Variants in MBNL1 observed in about 807,000 individuals in gnomAD.
MBNL1 encodes muscleblind like splicing regulator 1.
MBNL1 carries 8 observed loss-of-function variants against 42.2 expected under a neutral mutation model. The observed-to-expected ratio is 0.19, with a 90% CI of 0.11 to 0.34. The LOEUF is 0.34. MBNL1 is among the 10% of genes least tolerant of loss of function. The pLI is 1.00. For missense variants in MBNL1, 309 were observed against 495.3 expected (o/e 0.62, Z 3.57); for synonymous variants, 169 against 173.9 (o/e 0.97, Z 0.22).
intron 1 of MBNL1, among the ~76,000 whole-genome samples, chr3:152,295,561 C>T (rs1305852359): frequency 6.6e-6 from 1 of 151,900 alleles, no homozygotes; most frequent in African/African-American, 2.4e-5. Context: ...GTTCCAAGAA[C>T]TGTGTGATGG....
intron 2 of MBNL1, chr3:152,338,741 A>T (rs2092120277): frequency 2.1e-6 from 2 of 958,082 alleles, no homozygotes; most frequent in Non-Finnish European, 2.5e-6. Context: ...CTATGGATTT[A>T]ATATAAGTTA....
At chr3:152,288,088 T>C (rs922922224) in intron 1 of MBNL1, among the ~76,000 whole-genome samples, 9 of 152,202 alleles carry the variant, frequency 5.9e-5, no homozygotes, top group African/African-American at 2.2e-4. Context: ...TAAAATCACA[T>C]TGTCAAAATA....
intron 1 of MBNL1, among the ~76,000 whole-genome samples, chr3:152,270,039 C>T (rs1325210432): frequency 7.2e-5 from 11 of 151,782 alleles, no homozygotes; most frequent in Non-Finnish European, 1.5e-4. Context: ...GCCTTCCCCT[C>T]GCACAGCACT....
At chr3:152,293,225 A>AC (rs1360341572) in intron 1 of MBNL1, among the ~76,000 whole-genome samples, 3 of 152,170 alleles carry the variant, frequency 2.0e-5, no homozygotes, top group Non-Finnish European at 4.4e-5. Context: ...TAGTGTGCTT[A>AC]CCCCTCACTG....
intron 1 of MBNL1, among the ~76,000 whole-genome samples, chr3:152,277,320 T>C (rs529022503): frequency 1.3e-5 from 2 of 152,304 alleles, no homozygotes; most frequent in African/African-American, 4.8e-5. Context: ...TGTCTCAATG[T>C]CAACCAGGCA....
At chr3:152,458,311 G>A (rs140406260) in intron 8 of MBNL1, 89 of 799,360 alleles carry the variant, frequency 1.1e-4, no homozygotes, top group Non-Finnish European at 9.5e-5. Context: ...TAATATACAC[G>A]CCAGACTGTG....
intron 1 of MBNL1, among the ~76,000 whole-genome samples, chr3:152,291,688 G>T (rs2056090116): frequency 6.6e-6 from 1 of 152,168 alleles, no homozygotes; most frequent in Non-Finnish European, 1.5e-5. Flanking sequence ...CATTTTTGTG[G>T]CAAAGGCAAA....
At chr3:152,274,863 A>G (rs1261042227) in intron 1 of MBNL1, among the ~76,000 whole-genome samples, 1 of 152,186 alleles carries the variant, frequency 6.6e-6, no homozygotes, top group Admixed American at 6.5e-5. Context: ...TTGGTACTAC[A>G]GTTTACTAGT....
In MBNL1 at chr3:152,322,731, G is replaced by C. The variant is rs562019984; in HGVS notation, c.174+22364G>C. 1.1e-3 allele frequency among the ~76,000 whole-genome samples: 172 copies of C among 151,894 alleles called. No individual in the cohort carries two copies. The South Asian group carries it at 0.019, about 17-fold the overall frequency. On this transcript the variant is annotated intron_variant, in intron 2 of 9. Coordinates refer to ENST00000324210, the MANE Select transcript of MBNL1 (RefSeq NM_021038.5). ...GACTGAAAAAGTTAACATTTTTCTG[G>C]CATTTTTTAAGCGCTAAGAGTAGAA...
intron 2 of MBNL1, among the ~76,000 whole-genome samples, chr3:152,381,132 A>G (rs987366071): frequency 4.6e-5 from 7 of 152,084 alleles, no homozygotes; most frequent in Admixed American, 3.9e-4. Flanking sequence ...TTGTATATCT[A>G]CATTTCATTT....
chr3:152,247,907 A>C (rs952384581), intron 2 of MBNL1, among the ~76,000 whole-genome samples: 1 of 152,020 alleles, frequency 6.6e-6, no homozygotes, highest in Non-Finnish European at 1.5e-5. Context: ...TGAAGAATGA[A>C]GTTAGTCTAT....
intron 6 of MBNL1, chr3:152,449,446 G>GA (rs1162334901): frequency 1.3e-5 from 2 of 152,110 alleles, no homozygotes; most frequent in African/African-American, 2.4e-5. Flanking sequence ...AAAGAAAGCT[G>GA]AAAAAATCTG....
At chr3:152,266,488 A>G (rs1045491013), upstream of MBNL1, 3 of 152,202 alleles carry the variant, frequency 2.0e-5, no homozygotes, top group Non-Finnish European at 1.5e-5. Flanking sequence ...TCTAACCCAC[A>G]TGAAAAAAGA....
chr3:152,349,144 C>A (rs570880101), intron 2 of MBNL1, among the ~76,000 whole-genome samples: 1 of 152,166 alleles, frequency 6.6e-6, no homozygotes, highest in South Asian at 2.1e-4. Flanking sequence ...GGCCCATTCC[C>A]TAAGAATGTA....
chr3:152,300,136 T>G lies in MBNL1; in HGVS notation c.-58T>G, dbSNP rs1444606581. 8.5e-7 allele frequency: 1 copy of G among 1,180,080 alleles called. No homozygotes were observed. Among genetic ancestry groups the G allele is most frequent in the Non-Finnish European group, 1.2e-6 (1 of 848,930 alleles). 73.1% of individuals were successfully genotyped at this position (1,180,080 alleles called of 1,614,324 possible). Reference sequence around the variant, plus strand: ...TTTTTTTTTGGTTGTTGCTCTTTTTTGGGGGGGTTGGGTTTGTTGGTTTCA... The same window carrying G: ...TTTTTTTTTGGTTGTTGCTCTTTTTGGGGGGGGTTGGGTTTGTTGGTTTCA... On this transcript the variant is annotated 5_prime_UTR_variant, in exon 2 of 10. Coordinates refer to ENST00000324210, the MANE Select transcript of MBNL1 (RefSeq NM_021038.5).
At chr3:152,395,429 A>G (rs1454234326) in intron 2 of MBNL1, among the ~76,000 whole-genome samples, 1 of 152,176 alleles carries the variant, frequency 6.6e-6, no homozygotes, top group African/African-American at 2.4e-5. Flanking sequence ...TTTCTTCTCA[A>G]GCATTTTGGT....
chr3:152,288,162 T>G (rs1333278063), intron 1 of MBNL1, among the ~76,000 whole-genome samples: 1 of 152,210 alleles, frequency 6.6e-6, no homozygotes, highest in East Asian at 1.9e-4. Context: ...AAAATTCACT[T>G]TCAGGTACTT....
intron 1 of MBNL1, among the ~76,000 whole-genome samples, chr3:152,282,200 A>T (rs1199771393): frequency 6.6e-6 from 1 of 152,202 alleles, no homozygotes; most frequent in East Asian, 1.9e-4. Flanking sequence ...GACCCTAATT[A>T]GAAACAAAAT....
chr3:152,351,714 G>A (rs951976446), intron 2 of MBNL1, among the ~76,000 whole-genome samples: 1 of 152,138 alleles, frequency 6.6e-6, no homozygotes, highest in Non-Finnish European at 1.5e-5. Flanking sequence ...TCAGATACAA[G>A]TTACTATAAG....
Sources: gnomAD v4.1 joint callset for allele counts (sites outside exome capture counted in the v4.1 genomes callset) on GRCh38, gnomAD v4.1.1 for gene constraint, MANE v1.5 for transcripts, NCBI Gene and HGNC (gene_info 2026-07-23, HGNC 2026-07-21) for gene names.